The following SLC6A15 variants were observed in gnomAD, a reference collection of about 807,000 sequenced individuals.
SLC6A15 encodes solute carrier family 6 member 15, also known as sodium-dependent neutral amino acid transporter B(0)AT2.
A neutral mutation model predicts 68.5 loss-of-function variants in SLC6A15; 33 were observed. The observed-to-expected ratio is 0.48, with a 90% CI of 0.37 to 0.64. The LOEUF is 0.64. SLC6A15 is among the 30% of genes least tolerant of loss of function. The probability of loss-of-function intolerance (pLI) is 0.00; values close to 1 mark genes in which losing one functional copy is unlikely to be tolerated. For missense variants in SLC6A15, 747 were observed against 874.3 expected (o/e 0.85, Z 1.84); for synonymous variants, 347 against 301.0 (o/e 1.15, Z -1.58).
intron 9 of SLC6A15, among the ~76,000 whole-genome samples, 183 bp downstream of exon 9, chr12:84,870,295 C>G (rs1011539501): frequency 6.7e-6 from 1 of 148,842 alleles, no homozygotes; most frequent in African/African-American, 2.5e-5. Context: ...ATTATACATA[C>G]AATAAAAATT....
intron 1 of SLC6A15, among the ~76,000 whole-genome samples, chr12:84,905,791 G>A (rs1873114516): frequency 6.6e-6 from 1 of 152,082 alleles, no homozygotes; most frequent in African/African-American, 2.4e-5. Context: ...GAAAAGTCAA[G>A]TTACAAATTT....
intron 1 of SLC6A15, among the ~76,000 whole-genome samples, chr12:84,904,500 T>C (rs1323191291): frequency 6.6e-6 from 1 of 152,206 alleles, no homozygotes; most frequent in Non-Finnish European, 1.5e-5. Context: ...TACTTATGTA[T>C]TGGATTTAAC....
chr12:84,863,357 G>A (rs1358920239), intron 11 of SLC6A15, 82 bp downstream of exon 11: 2 of 1,025,180 alleles, frequency 2.0e-6, no homozygotes, highest in East Asian at 2.7e-5. Flanking sequence ...AAAAAATACT[G>A]TGATGGAGAC....
At chr12:84,908,340 T>C (rs1873270747) in intron 1 of SLC6A15, among the ~76,000 whole-genome samples, 1 of 151,962 alleles carries the variant, frequency 6.6e-6, no homozygotes, top group Non-Finnish European at 1.5e-5. Context: ...GTACTAAATA[T>C]GCTTCTCCAA....
In SLC6A15 at chr12:84,872,715, T is replaced by C. The variant is rs754676885; in HGVS notation, c.1189A>G (p.Thr397Ala). 3 of 1,613,180 alleles carry C rather than the reference T, an allele frequency of 1.9e-6. No homozygotes were observed. The East Asian group carries it at 6.7e-5, about 36-fold the overall frequency. ...AAATGATAATCTTCTGCAGTAACAG[T>C]TGAAAGGTTGATATGATGGGGAATA... ...DIIPHHINLS[T>A]VTAEDYHLVY... is the part of the protein sequence containing the mutation. The change falls in exon 8 of 12, where the codon ACT (threonine) becomes GCT (alanine). Residue 397 changes from threonine to alanine, a missense_variant. Physicochemically the swap from Thr to Ala is moderately conservative, Grantham distance 58 (BLOSUM62 0). Transcript: ENST00000266682.
intron 10 of SLC6A15, among the ~76,000 whole-genome samples, chr12:84,865,670 A>G (rs1336729084): frequency 6.6e-6 from 1 of 152,168 alleles, no homozygotes; most frequent in Non-Finnish European, 1.5e-5. Context: ...CTGTTTCCAT[A>G]GTTTTACCTT....
chr12:84,908,804 GCTT>G (rs368190565), intron 1 of SLC6A15, among the ~76,000 whole-genome samples: 19 of 151,772 alleles, frequency 1.3e-4, no homozygotes, highest in African/African-American at 3.9e-4. Context: ...CCCCCAATCT[GCTT>G]CTTTTTACAC....
intron 5 of SLC6A15, among the ~76,000 whole-genome samples, chr12:84,879,928 C>T (rs1871743397): frequency 6.6e-6 from 1 of 152,130 alleles, no homozygotes. Context: ...TCTTCCTGCA[C>T]ACAATTCCTA....
chr12:84,886,084 C>CA lies in SLC6A15; in HGVS notation c.290-17dup. The CA allele has an allele frequency of 6.6e-7, 1 of 1,518,786 alleles. No homozygotes were observed. Among genetic ancestry groups the CA allele is most frequent in the Non-Finnish European group, 9.0e-7 (1 of 1,105,938 alleles). 94.1% of individuals were successfully genotyped at this position (1,518,786 alleles called of 1,614,324 possible). The stretch of plus-strand genomic sequence containing the variant: ...AGATATGCACCTAAAGAAACAACAA[C>CA]AAAAAATAGATTATATTTTCAATAC... On this transcript the variant is annotated splice_polypyrimidine_tract_variant and intron_variant, in intron 2 of 11. Coordinates refer to ENST00000266682, the MANE Select transcript of SLC6A15 (RefSeq NM_182767.6).
chr12:84,882,512 A>T, intron 5 of SLC6A15: 16 of 884,212 alleles, frequency 1.8e-5, no homozygotes, highest in Non-Finnish European at 2.2e-5. Context: ...AAAATTTTTA[A>T]TTAAATATAA....
At chr12:84,902,443 C>T (rs1872927879) in intron 1 of SLC6A15, among the ~76,000 whole-genome samples, 1 of 152,056 alleles carries the variant, frequency 6.6e-6, no homozygotes, top group Non-Finnish European at 1.5e-5. Flanking sequence ...TGAAAAACAA[C>T]TTGGTTACTT....
chr12:84,873,403 G>A (rs940686647), intron 6 of SLC6A15, 75 bp from the exon 7 acceptor site: 1 of 1,508,424 alleles, frequency 6.6e-7, no homozygotes, highest in African/African-American at 1.4e-5. Flanking sequence ...GGAATTTACT[G>A]TTTATGGAGT....
intron 6 of SLC6A15, among the ~76,000 whole-genome samples, chr12:84,876,061 C>T (rs894482218): frequency 9.2e-5 from 14 of 151,388 alleles, no homozygotes; most frequent in African/African-American, 3.4e-4. Context: ...AGTCAACTTC[C>T]AGATACACTA....
At chr12:84,890,689 T>A (rs1434138447) in intron 2 of SLC6A15, among the ~76,000 whole-genome samples, 5 of 152,174 alleles carry the variant, frequency 3.3e-5, no homozygotes, top group African/African-American at 1.2e-4. Context: ...TAAACATATT[T>A]TGTCACCATA....
At chr12:84,885,320 A>T (rs919239636) in intron 4 of SLC6A15, 115 bp downstream of exon 4, 4 of 999,330 alleles carry the variant, frequency 4.0e-6, no homozygotes, top group Non-Finnish European at 4.2e-6. Context: ...TGTTATAATG[A>T]TAATTTTGAA....
intron 2 of SLC6A15, among the ~76,000 whole-genome samples, chr12:84,890,976 T>A (rs564933093): frequency 1.2e-4 from 19 of 152,278 alleles, no homozygotes; most frequent in Admixed American, 2.0e-4. Flanking sequence ...TTCATATACA[T>A]AGATAATAAC....
intron 1 of SLC6A15, among the ~76,000 whole-genome samples, chr12:84,898,346 A>G (rs141491315): frequency 6.6e-6 from 1 of 152,216 alleles, no homozygotes; most frequent in East Asian, 1.9e-4. Flanking sequence ...CTTAAAAAAC[A>G]AACAAACAAA....
At position 84,861,650 on chromosome 12, in the gene SLC6A15, C is replaced by T. The variant is rs764385851; in HGVS notation, c.2175G>A (p.Met725Ile). The change falls in exon 12 of 12, where the codon ATG becomes ATA. Residue 725 changes from methionine to isoleucine, a missense_variant. Physicochemically the swap from Met to Ile is conservative, Grantham distance 10. Coordinates refer to ENST00000266682, the MANE Select transcript of SLC6A15 (RefSeq NM_182767.6). ...GYLMADIMPD[M>I]PESDL is the part of the protein sequence containing the mutation. ...CCCCCAGCTACAAATCAGATTCTGG[C>T]ATATCTGGCATAATATCTGCCATCA... 11 of 1,597,028 alleles carry T rather than the reference C, an allele frequency of 6.9e-6. No individual in the cohort carries two copies. The African/African-American group carries it at 1.3e-4, about 20-fold the overall frequency.
In SLC6A15 at chr12:84,892,167, T is replaced by A; in HGVS notation, c.-47A>T. The A allele has an allele frequency of 7.3e-7, 1 of 1,378,950 alleles. No homozygotes were observed. The highest frequency in any genetic ancestry group is 9.9e-7 in the Non-Finnish European group (1 of 1,006,634). 85.4% of individuals were successfully genotyped at this position (1,378,950 alleles called of 1,614,324 possible). ...AAAAAAAAAAAAAAAAACTCCCTTA[T>A]GGCAAATGTGTTAACTCTATTTTTC... On this transcript the variant is annotated 5_prime_UTR_variant, in exon 2 of 12. Coordinates refer to ENST00000266682, the MANE Select transcript of SLC6A15 (RefSeq NM_182767.6).
Sources: allele counts gnomAD v4.1 joint callset (sites outside exome capture counted in the v4.1 genomes callset), GRCh38; gene constraint gnomAD v4.1.1; transcripts MANE v1.5; gene names NCBI Gene and HGNC (gene_info 2026-07-23, HGNC 2026-07-21).